SLC22A9: variants seen among roughly 807,000 people sequenced by gnomAD.
The protein encoded by SLC22A9 is solute carrier family 22 member 9, also known as organic anion transporter 7.
Under a neutral mutation model 50.1 loss-of-function variants are expected in SLC22A9, and 64 were observed. That is an observed-to-expected ratio of 1.28 (90% confidence interval 1.04 to 1.57). The LOEUF is 1.57. Among genes scored for constraint, SLC22A9 ranks in the 40% most tolerant of loss-of-function variants. SLC22A9 has a pLI of 0.00. For synonymous variants in SLC22A9, 261 were observed against 242.5 expected (o/e 1.08, Z -0.71); for missense variants, 757 against 676.1 (o/e 1.12, Z -1.33).
chr11:63,382,095 TGC>T, intron 5 of SLC22A9, 62 bp from the exon 6 acceptor site: 1 of 1,223,402 alleles, frequency 8.2e-7, no homozygotes. Context: ...GGTTGACCAG[TGC>T]GCCTACAGTG....
At chr11:63,375,027 CAG>C (rs2014436039) in intron 4 of SLC22A9, among the ~76,000 whole-genome samples, 1 of 152,102 alleles carries the variant, frequency 6.6e-6, no homozygotes, top group African/African-American at 2.4e-5. Context: ...GAGATGATTA[CAG>C]ATTTAATACA....
Position 63,410,049 on chromosome 11 carries a change from G to A in SLC22A9, c.*187G>A, listed in dbSNP as rs917786250. 1.2e-5 allele frequency: 6 copies of A among 511,832 alleles called. No homozygotes were observed. The highest frequency in any genetic ancestry group is 9.8e-5 in the African/African-American group (5 of 51,044). 31.7% of individuals were successfully genotyped at this position (511,832 alleles called of 1,614,324 possible). On this transcript the variant is annotated 3_prime_UTR_variant, in exon 10 of 10. Transcript: ENST00000279178. ...AGGTCAGAAGATAAAGACCACCCTG[G>A]CCAACATGGTGAAACCCTGTCTCTA...
chr11:63,408,615 A>G (rs1037633315), intron 8 of SLC22A9, 61 bp from the exon 9 acceptor site: 1 of 1,475,388 alleles, frequency 6.8e-7, no homozygotes, highest in Non-Finnish European at 9.4e-7. Flanking sequence ...AAAATGATAA[A>G]TCACAAATTG....
At chr11:63,391,635 T>C (rs2014765694) in intron 6 of SLC22A9, among the ~76,000 whole-genome samples, 1 of 152,030 alleles carries the variant, frequency 6.6e-6, no homozygotes, top group Admixed American at 6.6e-5. Context: ...CTCCTGCTCT[T>C]TCTTGGTTTC....
At chr11:63,384,991 GT>G (rs201442440) in intron 6 of SLC22A9, among the ~76,000 whole-genome samples, 1,780 of 148,892 alleles carry the variant, frequency 0.012, 26 homozygotes, top group African/African-American at 0.042. Flanking sequence ...GAGTTTTTTT[GT>G]TTTTTCCTTG....
At chr11:63,404,556 G>A (rs1591028492) in intron 6 of SLC22A9, among the ~76,000 whole-genome samples, 2 of 152,068 alleles carry the variant, frequency 1.3e-5, no homozygotes, top group South Asian at 4.1e-4. Context: ...TAAGTGTTTT[G>A]AGAGCCCCCA....
chr11:63,392,329 A>G (rs545428927), intron 6 of SLC22A9, among the ~76,000 whole-genome samples: 1 of 152,050 alleles, frequency 6.6e-6, no homozygotes, highest in Non-Finnish European at 1.5e-5. Context: ...TTCAGATGAT[A>G]TATTCCTGCT....
intron 4 of SLC22A9, among the ~76,000 whole-genome samples, chr11:63,374,745 C>T (rs1180970496): frequency 6.6e-6 from 1 of 152,066 alleles, no homozygotes; most frequent in Non-Finnish European, 1.5e-5. Flanking sequence ...GAAAAAAATA[C>T]ATGATGGAGA....
intron 6 of SLC22A9, among the ~76,000 whole-genome samples, chr11:63,397,420 G>A (rs75155671): frequency 2.6e-5 from 4 of 152,126 alleles, no homozygotes; most frequent in Non-Finnish European, 5.9e-5. Context: ...GGGCTCTACA[G>A]TCAGCAGTTG....
intron 6 of SLC22A9, among the ~76,000 whole-genome samples, chr11:63,384,461 A>G (rs1290634206): frequency 6.6e-6 from 1 of 152,194 alleles, no homozygotes; most frequent in Non-Finnish European, 1.5e-5. Context: ...GTCCCTGCAG[A>G]GGACATGATC....
chr11:63,406,690 G>A lies in SLC22A9; in HGVS notation c.1267G>A (p.Ala423Thr), dbSNP rs1409272798. Residue 423 changes from alanine (A) to threonine (T), a missense_variant, in exon 7 of 10, where the codon GCC becomes ACC. Physicochemically the swap from Ala to Thr is moderately conservative, Grantham distance 58 (BLOSUM62 0). Coordinates refer to ENST00000279178, the MANE Select transcript of SLC22A9 (RefSeq NM_080866.3). ...GTTCCTACTGGCAATCTGCCTTCTG[G>A]CCATCATATTTGTGCCACAAGGTGA... ...LMFLLAICLL[A>T]IIFVPQEMQT... is the part of the protein sequence containing the mutation. The A allele has an allele frequency of 1.2e-6, 2 of 1,613,548 alleles. No homozygotes were observed. Among genetic ancestry groups the A allele is most frequent in the South Asian group, 1.1e-5 (1 of 91,048 alleles).
At chr11:63,370,851 G>C (rs768303218) in intron 1 of SLC22A9, among the ~76,000 whole-genome samples, 1 of 152,142 alleles carries the variant, frequency 6.6e-6, no homozygotes, top group Non-Finnish European at 1.5e-5. Flanking sequence ...GGGAAATTTA[G>C]GTTTCTAAAA....
intron 6 of SLC22A9, among the ~76,000 whole-genome samples, chr11:63,405,490 CCTTTCTATG>C (rs2015021786): frequency 6.6e-6 from 1 of 152,124 alleles, no homozygotes; most frequent in Non-Finnish European, 1.5e-5. Context: ...ACTATTGACT[CCTTTCTATG>C]CTAATAAACA....
At chr11:63,386,831 TTTTTTTGTTTTGTTTTG>T (rs555487414) in intron 6 of SLC22A9, among the ~76,000 whole-genome samples, 7,864 of 151,608 alleles carry the variant, frequency 0.052, 668 homozygotes, top group African/African-American at 0.18. Flanking sequence ...GATGATTTTG[TTTTTTTGTTTTGTTTTG>T]TTTTTTGTTT....
chr11:63,399,609 A>C (rs1287725344), intron 6 of SLC22A9, among the ~76,000 whole-genome samples: 1 of 152,216 alleles, frequency 6.6e-6, no homozygotes, highest in Non-Finnish European at 1.5e-5. Flanking sequence ...TGAGAATTTC[A>C]ACAACCAACA....
intron 6 of SLC22A9, among the ~76,000 whole-genome samples, chr11:63,395,419 G>T (rs985674962): frequency 6.6e-6 from 1 of 152,108 alleles, no homozygotes; most frequent in African/African-American, 2.4e-5. Flanking sequence ...GTGTTCCCTT[G>T]ATGGAGTACT....
Position 63,373,876 on chromosome 11 carries a change from A to G in SLC22A9, c.662-18A>G. 2.5e-6 allele frequency: 4 copies of G among 1,611,540 alleles called. No individual in the cohort carries two copies. The highest frequency in any genetic ancestry group is 2.2e-5 in the East Asian group (1 of 44,820). ...ACTCCACCTTTGAAGTCAAAGCCTTATCTGTTTTTTCTTCCAGTAGCCGAG... is the reference window on the plus strand; with the variant it reads ...ACTCCACCTTTGAAGTCAAAGCCTTGTCTGTTTTTTCTTCCAGTAGCCGAG... On this transcript the variant is annotated intron_variant, in intron 3 of 9. Transcript: ENST00000279178.
At chr11:63,382,687 T>C (rs560711929) in intron 6 of SLC22A9, among the ~76,000 whole-genome samples, 1 of 152,314 alleles carries the variant, frequency 6.6e-6, no homozygotes, top group African/African-American at 2.4e-5. Context: ...TAAAAACCTC[T>C]AAAATACTAG....
chr11:63,392,775 A>G (rs2014786263), intron 6 of SLC22A9, among the ~76,000 whole-genome samples: 1 of 152,132 alleles, frequency 6.6e-6, no homozygotes, highest in Admixed American at 6.6e-5. Context: ...TTGAAAAAGT[A>G]TTTTAATGCA....
Sources: allele counts gnomAD v4.1 joint callset (sites outside exome capture counted in the v4.1 genomes callset), GRCh38; gene constraint gnomAD v4.1.1; transcripts MANE v1.5; gene names NCBI Gene and HGNC (gene_info 2026-07-23, HGNC 2026-07-21).